SORCS3: variants seen among roughly 807,000 people sequenced by gnomAD.
SORCS3 encodes the protein VPS10 domain-containing receptor SorCS3.
Under a neutral mutation model 146.3 loss-of-function variants are expected in SORCS3, and 57 were observed. That is an observed-to-expected ratio of 0.39 (90% CI 0.31 to 0.49). The LOEUF is 0.49. Among genes scored for constraint, SORCS3 ranks in the 20% least tolerant of loss-of-function variants. SORCS3 has a pLI of 0.92. For synonymous variants in SORCS3, 653 were observed against 618.5 expected (o/e 1.06, Z -0.83); for missense variants, 1,341 against 1,575.5 (o/e 0.85, Z 2.52).
At chr10:105,194,291 T>A (rs2056532973) in intron 14 of SORCS3, among the ~76,000 whole-genome samples, 1 of 152,188 alleles carries the variant, frequency 6.6e-6, no homozygotes, top group Non-Finnish European at 1.5e-5. Flanking sequence ...TTGAAAGTCC[T>A]TGATGAGAAA....
At chr10:104,945,081 G>A (rs947683149) in intron 3 of SORCS3, among the ~76,000 whole-genome samples, 3 of 152,054 alleles carry the variant, frequency 2.0e-5, no homozygotes, top group Admixed American at 6.5e-5. Context: ...GCCATAAAAC[G>A]TCATAGAGTG....
chr10:105,083,960 G>T (rs1021010987), intron 5 of SORCS3, among the ~76,000 whole-genome samples: 1 of 152,220 alleles, frequency 6.6e-6, no homozygotes, highest in Non-Finnish European at 1.5e-5. Context: ...GCTTACAGGA[G>T]AAGTTAAGCT....
chr10:104,932,192 A>G (rs1435001595), intron 3 of SORCS3, among the ~76,000 whole-genome samples: 1 of 152,188 alleles, frequency 6.6e-6, no homozygotes, highest in Admixed American at 6.5e-5. Context: ...TTTTCTTGGC[A>G]TTAATAGTTT....
chr10:105,162,155 T>C (rs1335492501), intron 11 of SORCS3, among the ~76,000 whole-genome samples: 2 of 152,108 alleles, frequency 1.3e-5, no homozygotes, highest in Non-Finnish European at 2.9e-5. Context: ...TTCTCTCCCT[T>C]TTATTTTATT....
chr10:105,009,302 T>G (rs1428937966), intron 4 of SORCS3, among the ~76,000 whole-genome samples: 9 of 152,044 alleles, frequency 5.9e-5, no homozygotes, highest in Non-Finnish European at 8.8e-5. Context: ...TAGAAAGAAT[T>G]CAAGAAACAG....
chr10:104,878,568 A>G (rs1471567640), intron 2 of SORCS3, among the ~76,000 whole-genome samples: 1 of 152,216 alleles, frequency 6.6e-6, no homozygotes. Flanking sequence ...TTATGAAAAG[A>G]TATCTGTAAG....
intron 4 of SORCS3, among the ~76,000 whole-genome samples, chr10:104,985,400 GCTATTTCTACTGTGT>G (rs1468769445): frequency 6.6e-6 from 1 of 152,002 alleles, no homozygotes; most frequent in Non-Finnish European, 1.5e-5. Context: ...TACTATTCTT[GCTATTTCTACTGTGT>G]CTGCAGTTAC....
intron 1 of SORCS3, among the ~76,000 whole-genome samples, chr10:104,838,898 G>T (rs578171432): frequency 6.6e-6 from 1 of 152,150 alleles, no homozygotes; most frequent in East Asian, 1.9e-4. Context: ...TGGCTCTTAG[G>T]CTCCGGCTTT....
intron 6 of SORCS3, among the ~76,000 whole-genome samples, chr10:105,094,730 A>T (rs1468560698): frequency 6.6e-6 from 1 of 152,226 alleles, no homozygotes; most frequent in Admixed American, 6.5e-5. Context: ...TAAGCAAGTT[A>T]GGGGAACCAT....
At chr10:104,848,620 G>C (rs2018234773) in intron 2 of SORCS3, among the ~76,000 whole-genome samples, 1 of 152,168 alleles carries the variant, frequency 6.6e-6, no homozygotes, top group African/African-American at 2.4e-5. Context: ...CTTTATATGT[G>C]AGGTCCCGAA....
intron 5 of SORCS3, among the ~76,000 whole-genome samples, chr10:105,063,038 T>A (rs558515244): frequency 6.6e-5 from 10 of 152,370 alleles, no homozygotes; most frequent in African/African-American, 2.2e-4. Flanking sequence ...ATGTCATTAA[T>A]CGCTAATTGC....
At position 104,924,621 on chromosome 10, in the gene SORCS3, C is replaced by T. The variant is rs11192233; in HGVS notation, c.795+8689C>T. On this transcript the variant is annotated intron_variant, in intron 3 of 26. Coordinates refer to ENST00000369701, the MANE Select transcript of SORCS3 (RefSeq NM_014978.3). ...AATGGCTTGATAAAGGAGCAAGAGG[C>T]TGGGTCCCTGGGAGGTGGGCTATCT... 2.2e-4 allele frequency among the ~76,000 whole-genome samples: 34 copies of T among 152,318 alleles called. No homozygotes were observed. The East Asian group carries it at 5.8e-3, about 26-fold the overall frequency.
intron 1 of SORCS3, among the ~76,000 whole-genome samples, chr10:104,680,678 C>T (rs1383168640): frequency 1.3e-5 from 2 of 152,242 alleles, no homozygotes; most frequent in African/African-American, 2.4e-5. Context: ...GGGGCACAGA[C>T]CAGTGTCTGG....
intron 5 of SORCS3, among the ~76,000 whole-genome samples, chr10:105,077,521 AACACACACACACACACACAC>A (rs60182481): frequency 8.6e-6 from 1 of 116,582 alleles, no homozygotes; most frequent in African/African-American, 3.2e-5. Flanking sequence ...GACTAAATTA[AACACACACACACACACACAC>A]ACACACACAC....
chr10:104,899,231 G>A (rs1160460015), intron 2 of SORCS3, among the ~76,000 whole-genome samples: 3 of 152,174 alleles, frequency 2.0e-5, no homozygotes, highest in Non-Finnish European at 4.4e-5. Flanking sequence ...ATGGGACTTA[G>A]TATATAGTTT....
intron 9 of SORCS3, 146 bp from the exon 10 acceptor site, chr10:105,156,992 C>T (rs1454999641): frequency 2.4e-6 from 2 of 849,690 alleles, no homozygotes; most frequent in Admixed American, 2.5e-5. Context: ...GACCACATGG[C>T]ATTCAACGTT....
At chr10:105,263,255 C>G in intron 26 of SORCS3, 55 bp from the exon 27 acceptor site, 2 of 1,566,280 alleles carry the variant, frequency 1.3e-6, no homozygotes, top group Non-Finnish European at 1.8e-6. Flanking sequence ...AAACTAAGAT[C>G]CCTGCCCTTG....
intron 5 of SORCS3, among the ~76,000 whole-genome samples, chr10:105,064,991 A>G (rs2055513155): frequency 6.6e-6 from 1 of 152,350 alleles, no homozygotes; most frequent in Admixed American, 6.5e-5. Flanking sequence ...GGGAACCGGA[A>G]CCTAACCTAG....
Position 104,707,764 on chromosome 10 carries a change from C to T in SORCS3, c.627+65810C>T, listed in dbSNP as rs143886304. ...GAGCTAGTTAAAATGTATCTGCCTC[C>T]TGCCTATTTCCGAAACCAGAATAGA... is the stretch of plus-strand genomic sequence containing the variant. On this transcript the variant is annotated intron_variant, in intron 1 of 26. Transcript: ENST00000369701. 1.2e-4 allele frequency among the ~76,000 whole-genome samples: 18 copies of T among 152,328 alleles called. No individual in the cohort carries two copies. In the East Asian group the frequency reaches 3.5e-3, roughly 29 times the overall value.
Sources: gnomAD v4.1 joint callset for allele counts (sites outside exome capture counted in the v4.1 genomes callset) on GRCh38, gnomAD v4.1.1 for gene constraint, MANE v1.5 for transcripts, NCBI Gene and HGNC (gene_info 2026-07-23, HGNC 2026-07-21) for gene names.